The following KCNK2 variants were observed in gnomAD, a reference collection of about 807,000 sequenced individuals.
KCNK2 encodes the protein potassium two pore domain channel subfamily K member 2, also known as potassium channel subfamily K member 2.
Under a neutral mutation model 40.5 loss-of-function variants are expected in KCNK2, and 21 were observed. That is an observed-to-expected ratio of 0.52 (90% CI 0.37 to 0.75). KCNK2 has a LOEUF of 0.75. Ranked by LOEUF, KCNK2 falls within the 30% of genes least tolerant of loss-of-function variation. The pLI is 0.00. For synonymous variants in KCNK2, 191 were observed against 202.2 expected, an observed-to-expected ratio of 0.94 and a Z score of 0.47; for missense variants, 399 against 531.6, an observed-to-expected ratio of 0.75 and a Z score of 2.45.
intron 1 of KCNK2, among the ~76,000 whole-genome samples, chr1:215,046,632 T>A (rs1571868063): frequency 6.6e-6 from 1 of 152,134 alleles, no homozygotes; most frequent in East Asian, 1.9e-4. Context: ...ATCAGTTTTC[T>A]CAGCTTTTAA....
At chr1:215,018,996 C>CA (rs1231243624) in intron 1 of KCNK2, among the ~76,000 whole-genome samples, 24 of 55,790 alleles carry the variant, frequency 4.3e-4, no homozygotes, top group Middle Eastern at 5.5e-3. Context: ...CACACACACA[C>CA]ACAAAAAAAA....
chr1:215,069,243 G>A lies in KCNK2; in HGVS notation c.35-17125G>A, dbSNP rs1321997110. Among the ~76,000 whole-genome samples the A allele has an allele frequency of 2.6e-5, 4 of 152,148 alleles. No individual in the cohort carries two copies. The East Asian group carries it at 7.7e-4, about 29-fold the overall frequency. ...ATTGGCTCTCACCTATCTGCGCTTT[G>A]TTGGCCGCATCCTGGTAAGGACTTT... On this transcript the variant is annotated intron_variant, in intron 1 of 6. Transcript: ENST00000391895.
At chr1:215,141,882 A>T (rs1180291165) in intron 3 of KCNK2, among the ~76,000 whole-genome samples, 1 of 152,060 alleles carries the variant, frequency 6.6e-6, no homozygotes, top group African/African-American at 2.4e-5. Context: ...CTATTACATT[A>T]TAGTTTCAGC....
chr1:215,020,454 C>G (rs1656750781), intron 1 of KCNK2, among the ~76,000 whole-genome samples: 1 of 152,162 alleles, frequency 6.6e-6, no homozygotes, highest in Admixed American at 6.5e-5. Context: ...GACACAGGGT[C>G]TGGCTGTGTT....
At chr1:215,209,490 T>TATATATTATATATATAATAC (rs1665526473) in intron 6 of KCNK2, among the ~76,000 whole-genome samples, 11 of 3,098 alleles carry the variant, frequency 3.6e-3, no homozygotes, top group East Asian at 0.05. Context: ...ATATAATACA[T>TATATATTATATATATAATAC]ATATATAATA....
chr1:215,031,554 C>T (rs1280976262), intron 1 of KCNK2, among the ~76,000 whole-genome samples: 1 of 152,122 alleles, frequency 6.6e-6, no homozygotes, highest in Admixed American at 6.5e-5. Flanking sequence ...GTTTTGAGCA[C>T]CAACAAGATG....
intron 1 of KCNK2, among the ~76,000 whole-genome samples, chr1:215,025,855 A>G (rs1457116600): frequency 6.6e-6 from 1 of 152,082 alleles, no homozygotes; most frequent in Non-Finnish European, 1.5e-5. Flanking sequence ...CTGTATTTCT[A>G]TGGAATATAT....
At chr1:215,055,061 CTTA>C (rs1038299783) in intron 1 of KCNK2, among the ~76,000 whole-genome samples, 4 of 152,282 alleles carry the variant, frequency 2.6e-5, no homozygotes, top group South Asian at 2.1e-4. Context: ...AATATCATAA[CTTA>C]TTATTAAATC....
intron 5 of KCNK2, among the ~76,000 whole-genome samples, chr1:215,187,391 G>A (rs1664484126): frequency 6.6e-6 from 1 of 151,998 alleles, no homozygotes; most frequent in South Asian, 2.1e-4. Flanking sequence ...GAAGTCTCAG[G>A]TGATAAGTTA....
At chr1:215,011,891 T>C (rs1224065872) in intron 1 of KCNK2, among the ~76,000 whole-genome samples, 1 of 150,618 alleles carries the variant, frequency 6.6e-6, no homozygotes, top group African/African-American at 2.4e-5. Context: ...CAGGCGTGAG[T>C]CACCGTGCCC....
chr1:215,209,330 TTA>T (rs1159086408), intron 6 of KCNK2, among the ~76,000 whole-genome samples: 7 of 95,952 alleles, frequency 7.3e-5, no homozygotes, highest in South Asian at 2.8e-4. Flanking sequence ...ACACATATTT[TTA>T]TATATATAAT....
chr1:215,172,857 A>G (rs1266883759), intron 5 of KCNK2, among the ~76,000 whole-genome samples: 2 of 152,018 alleles, frequency 1.3e-5, no homozygotes, highest in African/African-American at 4.8e-5. Flanking sequence ...GGGTTTCACC[A>G]TGTTGATCAG....
chr1:215,137,616 G>A (rs896152781), intron 3 of KCNK2, among the ~76,000 whole-genome samples: 4 of 152,122 alleles, frequency 2.6e-5, no homozygotes, highest in Admixed American at 1.3e-4. Context: ...TTTTCACTTT[G>A]TGCTTTTGAC....
At chr1:215,103,769 A>G (rs938500121) in intron 2 of KCNK2, among the ~76,000 whole-genome samples, 5 of 152,048 alleles carry the variant, frequency 3.3e-5, no homozygotes, top group Admixed American at 2.0e-4. Flanking sequence ...ACGGGACAAT[A>G]ACTCCTGCTT....
At chr1:215,158,901 T>C (rs2102621660) in intron 3 of KCNK2, among the ~76,000 whole-genome samples, 1 of 152,164 alleles carries the variant, frequency 6.6e-6, no homozygotes, top group East Asian at 1.9e-4. Context: ...TGGCAAGTCC[T>C]TCAAGTTTTT....
intron 6 of KCNK2, among the ~76,000 whole-genome samples, chr1:215,215,211 T>C (rs188214685): frequency 2.3e-3 from 351 of 151,088 alleles, no homozygotes; most frequent in Non-Finnish European, 3.8e-3. Context: ...TTTTTTTTTT[T>C]CAGTTAATAC....
chr1:215,082,726 C>G (rs1437227414), upstream of KCNK2, among the ~76,000 whole-genome samples: 3 of 151,358 alleles, frequency 2.0e-5, no homozygotes, highest in Admixed American at 6.6e-5. Flanking sequence ...GAGGGAGTTC[C>G]GAAAGGAGGG....
intron 3 of KCNK2, among the ~76,000 whole-genome samples, chr1:215,144,966 C>G (rs1242979034): frequency 6.6e-6 from 1 of 152,142 alleles, no homozygotes; most frequent in Non-Finnish European, 1.5e-5. Context: ...CTTCATTTCA[C>G]AGATTATTTG....
chr1:215,015,015 G>A (rs1403649683), intron 1 of KCNK2, among the ~76,000 whole-genome samples: 1 of 152,136 alleles, frequency 6.6e-6, no homozygotes, highest in Non-Finnish European at 1.5e-5. Context: ...TTTCATCCAG[G>A]CACAATGTGA....
Sources: gnomAD v4.1 joint callset for allele counts (sites outside exome capture counted in the v4.1 genomes callset) on GRCh38, gnomAD v4.1.1 for gene constraint, MANE v1.5 for transcripts, NCBI Gene and HGNC (gene_info 2026-07-23, HGNC 2026-07-21) for gene names.